Variants in EXT1 observed in about 807,000 individuals in gnomAD.
EXT1 encodes the protein exostosin-1.
EXT1 carries 20 observed loss-of-function variants against 82.5 expected under a neutral mutation model. The ratio of observed to expected loss-of-function variants is 0.24; its 90% confidence interval spans 0.17 to 0.35. The LOEUF (loss-of-function observed/expected upper bound fraction) is 0.35, where lower values mean the gene tolerates loss of function less well. Ranked by LOEUF, EXT1 falls within the 10% of genes least tolerant of loss-of-function variation. EXT1 has a pLI of 1.00. For missense variants in EXT1, 757 were observed against 936.5 expected (o/e 0.81, Z 2.50); for synonymous variants, 348 against 350.8 (o/e 0.99, Z 0.09).
intron 1 of EXT1, among the ~76,000 whole-genome samples, chr8:118,002,585 G>A (rs575350596): frequency 9.9e-5 from 14 of 141,746 alleles, no homozygotes; most frequent in East Asian, 4.3e-4. Context: ...AGGTTGGAGC[G>A]CAGTGGTGCG....
chr8:118,074,772 G>A (rs1817175199), intron 1 of EXT1, among the ~76,000 whole-genome samples: 1 of 152,154 alleles, frequency 6.6e-6, no homozygotes, highest in Non-Finnish European at 1.5e-5. Context: ...ATTCATGACA[G>A]CAGCTTTGCT....
intron 1 of EXT1, among the ~76,000 whole-genome samples, chr8:118,057,700 G>T (rs975168814): frequency 1.3e-5 from 2 of 151,800 alleles, no homozygotes; most frequent in African/African-American, 4.8e-5. Context: ...GAGGCTGGGC[G>T]TGGTGGCTCA....
At chr8:118,019,246 TGAAAGAAA>T (rs58914414) in intron 1 of EXT1, among the ~76,000 whole-genome samples, 1,635 of 145,728 alleles carry the variant, frequency 0.011, 27 homozygotes, top group African/African-American at 0.037. Flanking sequence ...GCAGTACGAT[TGAAAGAAA>T]GAAAGAAAGA....
At chr8:117,917,783 G>C (rs1813782052) in intron 1 of EXT1, among the ~76,000 whole-genome samples, 1 of 152,214 alleles carries the variant, frequency 6.6e-6, no homozygotes, top group Non-Finnish European at 1.5e-5. Flanking sequence ...CATCCCAGAG[G>C]TAGCTGGTGG....
chr8:118,011,450 C>T (rs1815897412), intron 1 of EXT1, among the ~76,000 whole-genome samples: 1 of 152,180 alleles, frequency 6.6e-6, no homozygotes, highest in South Asian at 2.1e-4. Context: ...ATCCATTTTC[C>T]ATTACCATAT....
intron 1 of EXT1, among the ~76,000 whole-genome samples, chr8:118,048,417 T>C (rs1816656298): frequency 6.6e-6 from 1 of 152,232 alleles, no homozygotes; most frequent in Non-Finnish European, 1.5e-5. Context: ...AAAAGTCCTA[T>C]GCCAGATAGG....
chr8:117,886,011 A>G (rs1813141572), intron 1 of EXT1, among the ~76,000 whole-genome samples: 1 of 152,202 alleles, frequency 6.6e-6, no homozygotes, highest in East Asian at 1.9e-4. Context: ...AAGTTGCATG[A>G]CTGTGTGCAA....
chr8:117,975,584 T>C (rs910088698), intron 1 of EXT1, among the ~76,000 whole-genome samples: 1 of 152,152 alleles, frequency 6.6e-6, no homozygotes, highest in South Asian at 2.1e-4. Flanking sequence ...CCCTCATTCA[T>C]GCTCTCTCAT....
chr8:118,045,298 C>G (rs1233933079), intron 1 of EXT1, among the ~76,000 whole-genome samples: 1 of 152,178 alleles, frequency 6.6e-6, no homozygotes, highest in Non-Finnish European at 1.5e-5. Flanking sequence ...ATCACTCAAA[C>G]AGCAATAGAA....
At chr8:117,942,644 G>A (rs533542801) in intron 1 of EXT1, among the ~76,000 whole-genome samples, 1 of 152,194 alleles carries the variant, frequency 6.6e-6, no homozygotes, top group South Asian at 2.1e-4. Context: ...CTGGGAGGTG[G>A]AGGTTGCGGT....
intron 1 of EXT1, among the ~76,000 whole-genome samples, chr8:117,916,869 T>C (rs990551569): frequency 1.3e-5 from 2 of 152,124 alleles, no homozygotes; most frequent in Non-Finnish European, 2.9e-5. Context: ...ATAGCACCAC[T>C]GCACTCCAGC....
chr8:118,111,251 T>C lies in EXT1; in HGVS notation c.-205A>G. ...TCTTTAACTTTCTCCCCTTCGGTCTTTCATCTTTGGGTTGCACAATGCACG... is the reference window on the plus strand; with the variant it reads ...TCTTTAACTTTCTCCCCTTCGGTCTCTCATCTTTGGGTTGCACAATGCACG... On this transcript the variant is annotated 5_prime_UTR_variant, in exon 1 of 11. Transcript: ENST00000378204. The C allele has an allele frequency of 1.3e-6, 1 of 755,732 alleles. No individual in the cohort carries two copies. Among genetic ancestry groups the C allele is most frequent in the Non-Finnish European group, 2.2e-6 (1 of 457,148 alleles). 46.8% of individuals were successfully genotyped at this position (755,732 alleles called of 1,614,324 possible).
rs757115396 is a variant in EXT1 at position 117,812,935 on chromosome 8, G to C, written c.1659C>G (p.Tyr553Ter). Reference protein sequence around the residue: ...SKVMSSRFLPYDNIITDAVLS... With the variant: ...SKVMSSRFLP ...GCACGGCGTCTGTGATGATGTTGTC[G>C]TAGGGCAGAAAACGGCTGCTCATAA... The change falls in exon 8 of 11, where the codon TAC becomes TAG. Residue 553 changes from tyrosine to a stop codon, truncating the protein, a stop_gained. Coordinates refer to ENST00000378204, the MANE Select transcript of EXT1 (RefSeq NM_000127.3). LOFTEE classifies it high-confidence loss of function. 6.2e-7 allele frequency: 1 copy of C among 1,613,892 alleles called. No individual in the cohort carries two copies. The highest frequency in any genetic ancestry group is 8.5e-7 in the Non-Finnish European group (1 of 1,179,960).
intron 4 of EXT1, 62 bp downstream of exon 4, chr8:117,830,168 A>G: frequency 6.2e-7 from 1 of 1,609,012 alleles, no homozygotes; most frequent in Non-Finnish European, 8.5e-7. Flanking sequence ...GCAAAACAGA[A>G]GGCTGAGAGA....
At chr8:117,996,808 T>C (rs1189680687) in intron 1 of EXT1, among the ~76,000 whole-genome samples, 5 of 152,338 alleles carry the variant, frequency 3.3e-5, no homozygotes, top group South Asian at 2.1e-4. Context: ...AAATGGCTCA[T>C]TGTAACACAA....
chr8:117,907,673 G>A (rs1244669666), intron 1 of EXT1, among the ~76,000 whole-genome samples: 1 of 152,074 alleles, frequency 6.6e-6, no homozygotes, highest in African/African-American at 2.4e-5. Flanking sequence ...TATTATATAT[G>A]AATTCATAAA....
intron 1 of EXT1, among the ~76,000 whole-genome samples, chr8:117,956,499 G>A (rs1814589836): frequency 6.6e-6 from 1 of 152,152 alleles, no homozygotes. Flanking sequence ...CCAGGCTGGA[G>A]TGGTATGATC....
rs17453749 is a variant in EXT1 at position 118,011,488 on chromosome 8, G to A, written c.962+98597C>T. On this transcript the variant is annotated intron_variant, in intron 1 of 10. Coordinates refer to ENST00000378204, the MANE Select transcript of EXT1 (RefSeq NM_000127.3). ...GGGTATGAAGAGGGGAAAAAGTATC[G>A]AGTAAATACTGGATCTGAGTCACCA... Among the ~76,000 whole-genome samples the A allele has an allele frequency of 4.0e-3, 613 of 152,218 alleles. 3 individuals carry two copies. Among genetic ancestry groups the A allele is most frequent in the Non-Finnish European group, 4.6e-3 (314 of 68,024 alleles).
chr8:117,834,466 G>A (rs562069359), intron 3 of EXT1, among the ~76,000 whole-genome samples: 86 of 152,212 alleles, frequency 5.7e-4, no homozygotes, highest in Non-Finnish European at 6.5e-4. Flanking sequence ...TTAGCCAGGC[G>A]TGGTGGTGTG....
Sources: gnomAD v4.1 joint callset for allele counts (sites outside exome capture counted in the v4.1 genomes callset) on GRCh38, gnomAD v4.1.1 for gene constraint, MANE v1.5 for transcripts, NCBI Gene and HGNC (gene_info 2026-07-23, HGNC 2026-07-21) for gene names.